The following WARS2 variants were observed in gnomAD, a reference collection of about 807,000 sequenced individuals.
WARS2 encodes the protein tryptophan--tRNA ligase, mitochondrial.
In WARS2, 28 loss-of-function variants were observed where a neutral mutation model predicts 36.5. The ratio of observed to expected loss-of-function variants is 0.77; its 90% CI spans 0.57 to 1.05. WARS2 has a LOEUF of 1.05. Among genes scored for constraint, WARS2 ranks in the 50% least tolerant of loss-of-function variants. The pLI is 0.00. For missense variants in WARS2, 435 were observed against 456.8 expected (o/e 0.95, Z 0.44); for synonymous variants, 174 against 178.4 (o/e 0.98, Z 0.20).
At chr1:119,118,455 T>G (rs1655124853) in intron 1 of WARS2, among the ~76,000 whole-genome samples, 2 of 151,886 alleles carry the variant, frequency 1.3e-5, no homozygotes, top group Admixed American at 6.6e-5. Flanking sequence ...AACCTAAGAG[T>G]AATTGGTGTT....
chr1:119,091,738 G>A lies in WARS2; in HGVS notation c.91-15131C>T, dbSNP rs74713081. Among the ~76,000 whole-genome samples the A allele has an allele frequency of 3.8e-3, 572 of 152,254 alleles. 5 individuals are homozygous for A. Among genetic ancestry groups the A allele is most frequent in the African/African-American group, 0.013 (547 of 41,532 alleles). On this transcript the variant is annotated intron_variant, in intron 1 of 5. Transcript: ENST00000235521. ...CTAATTCTAAACACAGGTGGTGAGA[G>A]AGACAGCCAACAGGAAGGGGGAAGG...
intron 4 of WARS2, among the ~76,000 whole-genome samples, chr1:119,041,616 C>T (rs1264671833): frequency 6.6e-6 from 1 of 152,170 alleles, no homozygotes; most frequent in Non-Finnish European, 1.5e-5. Context: ...ACTAGCAACA[C>T]TTCAGGTGCT....
chr1:119,139,835 T>TATC (rs1263777087), intron 1 of WARS2: 1 of 152,084 alleles, frequency 6.6e-6, no homozygotes, highest in East Asian at 1.9e-4. Flanking sequence ...ACTGAAAGGG[T>TATC]ATCCCCTCCC....
Position 119,060,127 on chromosome 1 carries a change from T to A in WARS2, c.349-14465A>T, listed in dbSNP as rs920786893. Among the ~76,000 whole-genome samples, 3 of 152,312 alleles carry A rather than the reference T, an allele frequency of 2.0e-5. No homozygotes were observed. The South Asian group carries it at 6.2e-4, about 32-fold the overall frequency. ...ATATTAACAATATTGAGTTTTCCAA[T>A]CCAATCTAAAAACAAGGCTTTCACT... is the stretch of plus-strand genomic sequence containing the variant. On this transcript the variant is annotated intron_variant, in intron 2 of 5. Transcript: ENST00000235521.
At chr1:119,103,559 G>C (rs987787303) in intron 1 of WARS2, among the ~76,000 whole-genome samples, 1 of 151,890 alleles carries the variant, frequency 6.6e-6, no homozygotes, top group African/African-American at 2.4e-5. Context: ...AGGAGAATTT[G>C]TACTTTAACT....
At chr1:119,044,817 T>C (rs2794313) in intron 3 of WARS2, among the ~76,000 whole-genome samples, 44,765 of 152,018 alleles carry the variant, frequency 0.29, 7,246 homozygotes, top group African/African-American at 0.43. Flanking sequence ...TACCATCATC[T>C]TGGGAGTTAG....
chr1:119,128,376 CT>C (rs1244684219), intron 1 of WARS2, among the ~76,000 whole-genome samples: 1 of 151,962 alleles, frequency 6.6e-6, no homozygotes, highest in African/African-American at 2.4e-5. Flanking sequence ...AATTTTTAGT[CT>C]TTATCTTACC....
At chr1:119,077,813 T>A (rs1651865349) in intron 1 of WARS2, among the ~76,000 whole-genome samples, 1 of 152,144 alleles carries the variant, frequency 6.6e-6, no homozygotes, top group South Asian at 2.1e-4. Context: ...TATTTTATAA[T>A]ACATTCCATA....
At chr1:119,126,796 C>A in intron 1 of WARS2, 1 of 739,404 alleles carries the variant, frequency 1.4e-6, no homozygotes, top group South Asian at 1.3e-5. Context: ...TCTTTCCAGT[C>A]ATTTGTCTGT....
intron 1 of WARS2, among the ~76,000 whole-genome samples, chr1:119,124,318 C>A (rs1043106789): frequency 6.6e-6 from 1 of 152,056 alleles, no homozygotes; most frequent in Non-Finnish European, 1.5e-5. Flanking sequence ...CATAGTGAAA[C>A]CCTGTCTCTA....
chr1:119,105,569 G>T (rs1169667114), intron 1 of WARS2, among the ~76,000 whole-genome samples: 4 of 152,092 alleles, frequency 2.6e-5, no homozygotes, highest in African/African-American at 9.7e-5. Context: ...AGCCAGGGAG[G>T]TAGGAGTAAA....
At chr1:119,080,968 G>T (rs897202470) in intron 1 of WARS2, among the ~76,000 whole-genome samples, 2 of 152,166 alleles carry the variant, frequency 1.3e-5, no homozygotes, top group Admixed American at 1.3e-4. Flanking sequence ...ATGTTAGAAA[G>T]TAGGTCTTCA....
chr1:119,112,831 G>A (rs1021184599), intron 1 of WARS2, among the ~76,000 whole-genome samples: 4 of 152,200 alleles, frequency 2.6e-5, no homozygotes, highest in African/African-American at 9.6e-5. Context: ...TTCTTCTGCA[G>A]TCTTGTTTGG....
At chr1:119,079,434 GCTT>G (rs1172236162) in intron 1 of WARS2, among the ~76,000 whole-genome samples, 1 of 151,750 alleles carries the variant, frequency 6.6e-6, no homozygotes, top group Admixed American at 6.6e-5. Context: ...ATTTTTTGCT[GCTT>G]CTTTTTAGAT....
intron 4 of WARS2, among the ~76,000 whole-genome samples, chr1:119,037,109 T>C (rs1235552693): frequency 6.6e-6 from 1 of 152,200 alleles, no homozygotes; most frequent in Non-Finnish European, 1.5e-5. Flanking sequence ...TGCATAATGA[T>C]ATCCCTTTTA....
intron 4 of WARS2, among the ~76,000 whole-genome samples, chr1:119,041,485 G>A (rs1255707556): frequency 1.3e-5 from 2 of 152,152 alleles, no homozygotes; most frequent in Non-Finnish European, 2.9e-5. Flanking sequence ...AGGGGTCCAG[G>A]AAAAGTACAG....
At chr1:119,080,141 CA>C (rs1471202909) in intron 1 of WARS2, among the ~76,000 whole-genome samples, 1 of 151,496 alleles carries the variant, frequency 6.6e-6, no homozygotes, top group Non-Finnish European at 1.5e-5. Context: ...AGAGAGAAAG[CA>C]AAGCAGAAAA....
At chr1:119,052,697 A>G (rs1649465690) in intron 2 of WARS2, among the ~76,000 whole-genome samples, 1 of 152,196 alleles carries the variant, frequency 6.6e-6, no homozygotes, top group Admixed American at 6.5e-5. Context: ...ACCTGTAACA[A>G]TATATTCATC....
At chr1:119,086,497 A>T (rs1343746565) in intron 1 of WARS2, among the ~76,000 whole-genome samples, 2 of 152,212 alleles carry the variant, frequency 1.3e-5, no homozygotes, top group Admixed American at 1.3e-4. Context: ...TTGTCCAAAG[A>T]AAAGCTTGAG....
Sources: allele counts gnomAD v4.1 joint callset (sites outside exome capture counted in the v4.1 genomes callset), GRCh38; gene constraint gnomAD v4.1.1; transcripts MANE v1.5; gene names NCBI Gene and HGNC (gene_info 2026-07-23, HGNC 2026-07-21).